CLRN1: variants seen among roughly 807,000 people sequenced by gnomAD.
CLRN1 encodes the protein clarin-1.
CLRN1 carries 15 observed loss-of-function variants against 18.7 expected under a neutral mutation model. The ratio of observed to expected loss-of-function variants is 0.80; its 90% CI spans 0.54 to 1.23. The LOEUF is 1.23. CLRN1 is among the 50% of genes most tolerant of loss of function. The pLI, the probability that CLRN1 is intolerant of heterozygous loss-of-function variation, is 0.00. For missense variants in CLRN1, 311 were observed against 277.5 expected, an observed-to-expected ratio of 1.12 and a Z score of -0.86; for synonymous variants, 104 against 102.9, an observed-to-expected ratio of 1.01 and a Z score of -0.07.
At position 150,927,047 on chromosome 3, in the gene CLRN1, C is replaced by G; in HGVS notation, c.*889G>C. 3.5e-6 allele frequency: 4 copies of G among 1,132,434 alleles called. No individual in the cohort carries two copies. Among genetic ancestry groups the G allele is most frequent in the Non-Finnish European group, 5.2e-6 (4 of 776,294 alleles). 70.1% of individuals were successfully genotyped at this position (1,132,434 alleles called of 1,614,324 possible). A position where few individuals can be genotyped will look rare whatever the true frequency, so the allele number is the denominator to read the frequency against. ...AGACACTATAGCTAGAAAAACAGCC[C>G]CTAATAAGTCATTTTGCATCAAATG... On this transcript the variant is annotated 3_prime_UTR_variant, in exon 3 of 3. Transcript: ENST00000327047.
At chr3:150,936,040 T>C (rs1713465743) in intron 2 of CLRN1, among the ~76,000 whole-genome samples, 1 of 152,122 alleles carries the variant, frequency 6.6e-6, no homozygotes, top group Admixed American at 6.6e-5. Context: ...AGATTCTGGA[T>C]ATTAGCCCTT....
chr3:150,939,851 T>A (rs1350799979), intron 2 of CLRN1, among the ~76,000 whole-genome samples: 3 of 152,176 alleles, frequency 2.0e-5, no homozygotes, highest in Non-Finnish European at 4.4e-5. Context: ...ATTGAATCAC[T>A]TTCTCATTCA....
intron 1 of CLRN1, among the ~76,000 whole-genome samples, chr3:150,949,592 A>G (rs1714380324): frequency 6.6e-6 from 1 of 152,212 alleles, no homozygotes; most frequent in Admixed American, 6.5e-5. Context: ...AATCCCATTC[A>G]CAATTACTAC....
At chr3:150,950,539 C>T (rs546954712) in intron 1 of CLRN1, among the ~76,000 whole-genome samples, 35 of 152,060 alleles carry the variant, frequency 2.3e-4, no homozygotes, top group South Asian at 4.2e-4. Context: ...CTGCAGCCAA[C>T]GAACATGAAA....
intron 2 of CLRN1, chr3:150,941,341 C>T (rs948793485): frequency 2.2e-6 from 1 of 446,218 alleles, no homozygotes; most frequent in South Asian, 2.8e-5. Flanking sequence ...CTCTTGATTA[C>T]ATCTTCAAAA....
intron 1 of CLRN1, among the ~76,000 whole-genome samples, chr3:150,942,003 TG>T (rs1437780410): frequency 6.6e-6 from 1 of 152,144 alleles, no homozygotes; most frequent in South Asian, 2.1e-4. Context: ...TTTCTGTGCT[TG>T]GTCATATGTA....
At chr3:150,930,235 C>A (rs547246261) in intron 2 of CLRN1, among the ~76,000 whole-genome samples, 1 of 152,168 alleles carries the variant, frequency 6.6e-6, no homozygotes, top group African/African-American at 2.4e-5. Flanking sequence ...GTTAGCTGAG[C>A]AGAGGGAGGC....
At chr3:150,967,889 G>A (rs999898848) in intron 1 of CLRN1, among the ~76,000 whole-genome samples, 7 of 152,120 alleles carry the variant, frequency 4.6e-5, no homozygotes, top group Non-Finnish European at 8.8e-5. Flanking sequence ...CACAGAAGTA[G>A]TTTCAACATT....
At chr3:150,931,200 C>A (rs1713119066) in intron 2 of CLRN1, among the ~76,000 whole-genome samples, 1 of 152,182 alleles carries the variant, frequency 6.6e-6, no homozygotes, top group Non-Finnish European at 1.5e-5. Context: ...GACTTATGGA[C>A]CAAAAGATAT....
intron 2 of CLRN1, among the ~76,000 whole-genome samples, chr3:150,932,153 C>T (rs1713190210): frequency 6.6e-6 from 1 of 152,214 alleles, no homozygotes; most frequent in South Asian, 2.1e-4. Flanking sequence ...AGTCAATTAA[C>T]AAACGTTTGT....
intron 1 of CLRN1, among the ~76,000 whole-genome samples, chr3:150,960,349 C>A (rs1459708596): frequency 6.6e-6 from 1 of 152,152 alleles, no homozygotes; most frequent in Non-Finnish European, 1.5e-5. Flanking sequence ...CAGGAGGAAT[C>A]ACTGAGGGTG....
At chr3:150,943,744 T>G (rs920673369) in intron 1 of CLRN1, 2 of 1,610,742 alleles carry the variant, frequency 1.2e-6, no homozygotes, top group Non-Finnish European at 1.7e-6. Context: ...GACAACACAC[T>G]GCTGTCCACA....
At position 150,972,669 on chromosome 3, in the gene CLRN1, C is replaced by T. The variant is rs1553776112; in HGVS notation, c.40G>A (p.Gly14Arg). The T allele has an allele frequency of 1.2e-6, 2 of 1,614,162 alleles. No homozygotes were observed. Among genetic ancestry groups the T allele is most frequent in the Non-Finnish European group, 8.5e-7 (1 of 1,180,036 alleles). ...QQKKIIFCMAGVFSFACALGV... is the reference protein window; with the variant it reads ...QQKKIIFCMARVFSFACALGV... ...AGGGCACATGCAAAACTGAACACTC[C>T]GGCCATGCAAAAAATGATTTTCTTC... is the stretch of plus-strand genomic sequence containing the variant. Residue 14 changes from glycine (G) to arginine (R), a missense_variant, in exon 1 of 3, where the codon GGA becomes AGA. Physicochemically the swap from Gly to Arg is moderately radical, Grantham distance 125. Coordinates refer to ENST00000327047, the MANE Select transcript of CLRN1 (RefSeq NM_174878.3).
intron 1 of CLRN1, chr3:150,945,663 T>C (rs6806039): frequency 0.92 from 1,169,300 of 1,275,486 alleles, 537,027 homozygotes; most frequent in East Asian, 1. Flanking sequence ...TGTTTAGTTG[T>C]ACTACATTTC....
Position 150,927,847 on chromosome 3 carries a change from G to A in CLRN1, c.*89C>T. On this transcript the variant is annotated 3_prime_UTR_variant, in exon 3 of 3. Coordinates refer to ENST00000327047, the MANE Select transcript of CLRN1 (RefSeq NM_174878.3). ...GAAGGGTCCTGATGCTTTAATATATGCAGACTAAAAGGATATGCAAAATTA... is the reference window on the plus strand; with the variant it reads ...GAAGGGTCCTGATGCTTTAATATATACAGACTAAAAGGATATGCAAAATTA... 5 of 1,453,558 alleles carry A rather than the reference G, an allele frequency of 3.4e-6. No individual in the cohort carries two copies. Among genetic ancestry groups the A allele is most frequent in the Non-Finnish European group, 4.8e-6 (5 of 1,037,310 alleles). 90.0% of individuals were successfully genotyped at this position (1,453,558 alleles called of 1,614,324 possible).
intron 1 of CLRN1, among the ~76,000 whole-genome samples, chr3:150,943,299 G>A (rs1214745325): frequency 6.6e-6 from 1 of 152,088 alleles, no homozygotes; most frequent in Admixed American, 6.6e-5. Flanking sequence ...GGTTCTTTAT[G>A]AATAATGTCT....
In CLRN1 at chr3:150,927,967, G is replaced by A. The variant is rs1269481048; in HGVS notation, c.668C>T (p.Thr223Ile). The change falls in exon 3 of 3, where the codon ACA (threonine) becomes ATA (isoleucine). Residue 223 changes from threonine (T) to isoleucine (I), a missense_variant. Thr to Ile is a moderately conservative substitution (Grantham distance 89, BLOSUM62 -1). Transcript: ENST00000327047. The part of the protein sequence containing the change: ...FPFAKSKDAE[T>I]TNVAADLMY ...CATTAGATCTGCAGCTACATTAGTT[G>A]TTTCTGCGTCTTTAGATTTTGCAAA... 1.9e-6 allele frequency: 3 copies of A among 1,614,044 alleles called. No individual in the cohort carries two copies. Among genetic ancestry groups the A allele is most frequent in the Non-Finnish European group, 2.5e-6 (3 of 1,180,032 alleles).
chr3:150,938,515 A>G (rs1368047448), intron 2 of CLRN1, among the ~76,000 whole-genome samples: 1 of 152,186 alleles, frequency 6.6e-6, no homozygotes, highest in Non-Finnish European at 1.5e-5. Context: ...GTGATTCCAA[A>G]GTGACCTGTT....
intron 1 of CLRN1, among the ~76,000 whole-genome samples, chr3:150,957,760 G>A (rs1714823448): frequency 6.6e-6 from 1 of 152,198 alleles, no homozygotes; most frequent in South Asian, 2.1e-4. Context: ...CCGGGTTCAA[G>A]CAATTCTCCT....
Sources: allele counts gnomAD v4.1 joint callset (sites outside exome capture counted in the v4.1 genomes callset), GRCh38; gene constraint gnomAD v4.1.1; transcripts MANE v1.5; gene names NCBI Gene and HGNC (gene_info 2026-07-23, HGNC 2026-07-21).